The following SLC38A12 variants were observed in gnomAD, a reference collection of about 807,000 sequenced individuals.
The protein encoded by SLC38A12 is putative sodium-coupled neutral amino acid transporter 12.
chr17:74,795,688 C>G, the SLC38A12 span: 1 of 1,361,636 alleles, frequency 7.3e-7, no homozygotes, highest in Non-Finnish European at 1.0e-6. Context: ...CAGCTGAGGG[C>G]ATTTGAAGTG....
chr17:74,802,886 C>A, the SLC38A12 span, among the ~76,000 whole-genome samples: 1 of 152,094 alleles, frequency 6.6e-6, no homozygotes, highest in Non-Finnish European at 1.5e-5. Flanking sequence ...GGTTTACTCC[C>A]GGGCACGTGG....
At chr17:74,802,029 T>C in the SLC38A12 span, among the ~76,000 whole-genome samples, 1 of 151,986 alleles carries the variant, frequency 6.6e-6, no homozygotes, top group Non-Finnish European at 1.5e-5. Flanking sequence ...GCACGGCCCC[T>C]GTCCCTCCTT....
chr17:74,821,523 G>C, the SLC38A12 span, among the ~76,000 whole-genome samples: 1 of 152,202 alleles, frequency 6.6e-6, no homozygotes, highest in Non-Finnish European at 1.5e-5. Flanking sequence ...TTAGAATGGA[G>C]CCTCCCTGGG....
At chr17:74,790,124 T>G in the SLC38A12 span, 2 of 1,228,308 alleles carry the variant, frequency 1.6e-6, no homozygotes, top group South Asian at 2.4e-5. Context: ...TGGCTAACAT[T>G]CTGTACTTTT....
the SLC38A12 span, among the ~76,000 whole-genome samples, chr17:74,808,309 G>C: frequency 6.6e-6 from 1 of 152,238 alleles, no homozygotes; most frequent in Non-Finnish European, 1.5e-5. Flanking sequence ...GAGGAACTGG[G>C]TGCTCTAAAG....
At chr17:74,829,594 A>G in the SLC38A12 span, among the ~76,000 whole-genome samples, 1 of 152,188 alleles carries the variant, frequency 6.6e-6, no homozygotes, top group African/African-American at 2.4e-5. This position sits in a 1 kb window ranked among gnomAD's most constrained non-coding sequence, Gnocchi z 4.1. Context: ...GCTGCCCAGA[A>G]GTAGCCCTTG....
chr17:74,835,873 C>G, the SLC38A12 span: 27 of 1,530,348 alleles, frequency 1.8e-5, no homozygotes, highest in South Asian at 3.1e-4. Context: ...ACCAGAAACT[C>G]AAGGTAGGGC....
chr17:74,816,653 T>C, the SLC38A12 span, among the ~76,000 whole-genome samples: 2 of 152,234 alleles, frequency 1.3e-5, no homozygotes, highest in East Asian at 1.9e-4. Flanking sequence ...AAGATGTTAT[T>C]AGAAATCAGA....
At chr17:74,835,893 C>G in the SLC38A12 span, 432,718 of 1,568,816 alleles carry the variant, frequency 0.28, 61,678 homozygotes, top group East Asian at 0.43. Context: ...CCGTGCCTGT[C>G]CCCACCAGGT....
chr17:74,795,430 C>T, the SLC38A12 span: 14 of 1,079,790 alleles, frequency 1.3e-5, no homozygotes, highest in Non-Finnish European at 1.6e-5. Context: ...TGATTGTTGG[C>T]GCTCAGGCAG....
At chr17:74,817,880 G>A in the SLC38A12 span, among the ~76,000 whole-genome samples, 7 of 152,118 alleles carry the variant, frequency 4.6e-5, no homozygotes, top group African/African-American at 1.7e-4. Flanking sequence ...CCCACAGCTG[G>A]AGGACCATAA....
chr17:74,825,817 G>C, the SLC38A12 span, among the ~76,000 whole-genome samples: 37,445 of 152,132 alleles, frequency 0.25, 5,005 homozygotes, highest in East Asian at 0.42. Flanking sequence ...TCACGTGGGA[G>C]GGTGAGTCTT....
At chr17:74,777,124 C>A in the SLC38A12 span, 3 of 634,858 alleles carry the variant, frequency 4.7e-6, no homozygotes, top group Non-Finnish European at 8.4e-6. Context: ...ACCCCTCCCT[C>A]GGGGGTGAGT....
At chr17:74,804,519 C>T in the SLC38A12 span, among the ~76,000 whole-genome samples, 1 of 152,192 alleles carries the variant, frequency 6.6e-6, no homozygotes, top group African/African-American at 2.4e-5. Flanking sequence ...ATGATGATAT[C>T]GGATGAATTA....
At chr17:74,824,734 G>A in the SLC38A12 span, among the ~76,000 whole-genome samples, 2 of 152,170 alleles carry the variant, frequency 1.3e-5, no homozygotes, top group African/African-American at 4.8e-5. Flanking sequence ...TTGCATCTGT[G>A]TTCCCCTCAA....
chr17:74,839,254 G>C, the SLC38A12 span: 1 of 1,328,228 alleles, frequency 7.5e-7, no homozygotes, highest in South Asian at 1.5e-5. Flanking sequence ...CGGGCCCCTA[G>C]CCACACAGCT....
chr17:74,833,017 C>CT, the SLC38A12 span, among the ~76,000 whole-genome samples: 1 of 151,680 alleles, frequency 6.6e-6, no homozygotes, highest in Non-Finnish European at 1.5e-5. Flanking sequence ...ATATCCGTGG[C>CT]TTGTTTGTTT....
At chr17:74,790,384 C>T in the SLC38A12 span, 640 of 1,221,498 alleles carry the variant, frequency 5.2e-4, 7 homozygotes, top group South Asian at 6.6e-3. Context: ...AGAGGCTCCC[C>T]GCAGATTCTG....
chr17:74,786,999 G>A, the SLC38A12 span, among the ~76,000 whole-genome samples: 4,743 of 152,160 alleles, frequency 0.031, 237 homozygotes, highest in African/African-American at 0.11. Context: ...TTGGCCTTGC[G>A]CAACCATGAA....
Sources: allele counts gnomAD v4.1 joint callset (sites outside exome capture counted in the v4.1 genomes callset), GRCh38; gene constraint gnomAD v4.1.1; non-coding constraint Gnocchi (gnomAD v3.1); transcripts MANE v1.5; gene names NCBI Gene and HGNC (gene_info 2026-07-23, HGNC 2026-07-21).